Variants in ZFHX3 observed in about 807,000 individuals in gnomAD.
The protein encoded by ZFHX3 is zinc finger homeobox protein 3.
ZFHX3 carries 42 observed loss-of-function variants against 279.1 expected under a neutral mutation model. That is an observed-to-expected ratio of 0.15 (90% CI 0.12 to 0.19). ZFHX3 has a LOEUF of 0.19. ZFHX3 is among the 10% of genes least tolerant of loss of function. The pLI is 1.00. For synonymous variants in ZFHX3, 2,293 were observed against 1,957.8 expected (o/e 1.17, Z -4.52); for missense variants, 4,981 against 4,754.0 (o/e 1.05, Z -1.40).
In ZFHX3 at chr16:73,753,413, C is replaced by T. The variant is rs115987827; in HGVS notation, c.-1607-73173G>A. On this transcript the variant is annotated intron_variant, in intron 1 of 17. Transcript: ENST00000641206. ...GGCAGCAATCCAGAAGTGACCACCC[C>T]TTTGCCACGGCGATTACCCAGAATT... 1.8e-3 allele frequency among the ~76,000 whole-genome samples: 267 copies of T among 152,274 alleles called. 3 individuals carry two copies. The highest frequency in any genetic ancestry group is 6.1e-3 in the African/African-American group (255 of 41,548).
chr16:72,837,685 T>G (rs1249790317), intron 4 of ZFHX3, among the ~76,000 whole-genome samples: 3 of 151,332 alleles, frequency 2.0e-5, no homozygotes, highest in African/African-American at 4.9e-5. Context: ...AGGCTGGTCT[T>G]GAACTCCTGG....
At chr16:72,802,058 A>G (rs571779102) in intron 7 of ZFHX3, among the ~76,000 whole-genome samples, 4 of 152,128 alleles carry the variant, frequency 2.6e-5, no homozygotes, top group Admixed American at 6.5e-5. Flanking sequence ...GAATAAAATT[A>G]TCTAACACCT....
chr16:72,820,751 C>T (rs778913724), intron 5 of ZFHX3, among the ~76,000 whole-genome samples: 10 of 152,308 alleles, frequency 6.6e-5, no homozygotes, highest in Admixed American at 2.0e-4. Context: ...ACTTATTACG[C>T]TTCCCTGTGG....
chr16:73,654,195 A>C (rs1456705333), intron 2 of ZFHX3, among the ~76,000 whole-genome samples: 1 of 151,886 alleles, frequency 6.6e-6, no homozygotes, highest in African/African-American at 2.4e-5. Context: ...AAAAAAAAAA[A>C]AAAAAGATAA....
At position 72,784,609 on chromosome 16, in the gene ZFHX3, C is replaced by CAACT. The variant is rs918692448; in HGVS notation, c.*2551_*2554dup. The CAACT allele has an allele frequency of 2.6e-5, 4 of 151,758 alleles. No homozygotes were observed. The highest frequency in any genetic ancestry group is 4.4e-5 in the Non-Finnish European group (3 of 67,868). The allele number at this position is 151,758 out of a possible 1,614,324, so 9.4% of individuals were successfully genotyped here. A position where few individuals can be genotyped will look rare whatever the true frequency, so the allele number is the denominator to read the frequency against. On this transcript the variant is annotated 3_prime_UTR_variant, in exon 10 of 10. Coordinates refer to ENST00000268489, the MANE Select transcript of ZFHX3 (RefSeq NM_006885.4). ...AAATAATGGAAAACAAAAAACTGTACAACTTTAAAATTTAAAAATGTTCAT... is the reference window on the plus strand; with the variant it reads ...AAATAATGGAAAACAAAAAACTGTACAACTAACTTTAAAATTTAAAAATGTTCAT...
At chr16:72,812,208 G>T (rs961431985) in intron 5 of ZFHX3, among the ~76,000 whole-genome samples, 170 bp from the exon 6 acceptor site, 4 of 152,168 alleles carry the variant, frequency 2.6e-5, no homozygotes, top group African/African-American at 7.2e-5. Flanking sequence ...TGGAAAAGAA[G>T]CAAGTGTTTC....
At chr16:72,821,319 G>C (rs1460850853) in intron 5 of ZFHX3, among the ~76,000 whole-genome samples, 2 of 152,340 alleles carry the variant, frequency 1.3e-5, no homozygotes, top group African/African-American at 4.8e-5. Flanking sequence ...TTCCCCTCCA[G>C]ATTTAAGCAC....
chr16:73,363,594 GATAA>G (rs905627103), intron 3 of ZFHX3, among the ~76,000 whole-genome samples: 2 of 151,518 alleles, frequency 1.3e-5, no homozygotes, highest in African/African-American at 2.4e-5. Flanking sequence ...ATAAATACAA[GATAA>G]ATAAATAAAA....
At chr16:73,799,189 C>T (rs146540909) in intron 1 of ZFHX3, among the ~76,000 whole-genome samples, 211 of 152,250 alleles carry the variant, frequency 1.4e-3, no homozygotes, top group Non-Finnish European at 2.4e-3. Context: ...TCCACCTCCC[C>T]GACCCTCAAT....
At chr16:72,940,638 A>G (rs756440799) in intron 3 of ZFHX3, among the ~76,000 whole-genome samples, 1 of 152,222 alleles carries the variant, frequency 6.6e-6, no homozygotes, top group Non-Finnish European at 1.5e-5. Flanking sequence ...GAGAGACTCA[A>G]AAGGAACAGC....
chr16:73,471,911 C>T (rs528137261), intron 2 of ZFHX3, among the ~76,000 whole-genome samples: 1 of 152,258 alleles, frequency 6.6e-6, no homozygotes, highest in Non-Finnish European at 1.5e-5. Flanking sequence ...CAAACAGGAG[C>T]AAGCCCGCTG....
rs534965607 is a variant in ZFHX3, at chr16:73,531,408, G to GT, written c.-1546-75151dup. Among the ~76,000 whole-genome samples the GT allele has an allele frequency of 3.5e-3, 525 of 152,096 alleles. 2 individuals are homozygous for GT. The highest frequency in any genetic ancestry group is 8.6e-3 in the African/African-American group (355 of 41,478). ...ACAATTTTTATGCAGGAATTGTCTT[G>GT]TTTTTTTAATTAAGAATATTTCCTG... On this transcript the variant is annotated intron_variant, in intron 2 of 17. Transcript: ENST00000641206.
chr16:73,040,055 T>C (rs1317397910), intron 1 of ZFHX3, among the ~76,000 whole-genome samples: 1 of 152,168 alleles, frequency 6.6e-6, no homozygotes, highest in African/African-American at 2.4e-5. Context: ...TTCAAGCTAG[T>C]AGGTAAACAT....
At chr16:73,014,518 C>CTTCTTTTTTTTTTTTTTTT (rs1964028587) in intron 1 of ZFHX3, 1 of 63,366 alleles carries the variant, frequency 1.6e-5, no homozygotes, top group African/African-American at 6.3e-5. Context: ...ATTTCTTCTT[C>CTTCTTTTTTTTTTTTTTTT]TTTTTTTTTT....
At chr16:73,883,578 C>T (rs553851723) in intron 1 of ZFHX3, among the ~76,000 whole-genome samples, 2 of 152,134 alleles carry the variant, frequency 1.3e-5, no homozygotes, top group South Asian at 2.1e-4. Context: ...CAGTATCAGC[C>T]TTTCTTCCGT....
intron 2 of ZFHX3, among the ~76,000 whole-genome samples, chr16:73,615,259 C>T (rs368625935): frequency 2.0e-5 from 3 of 152,004 alleles, no homozygotes; most frequent in Admixed American, 6.5e-5. Flanking sequence ...CCCGAGACAA[C>T]TGCTGAGGGC....
chr16:73,810,432 C>G (rs1014157599), intron 1 of ZFHX3, among the ~76,000 whole-genome samples: 1 of 152,084 alleles, frequency 6.6e-6, no homozygotes, highest in Non-Finnish European at 1.5e-5. Flanking sequence ...CCTAGATAAC[C>G]TCTAAGGGTT....
At chr16:72,918,699 T>C (rs2039505453) in intron 3 of ZFHX3, among the ~76,000 whole-genome samples, 1 of 151,216 alleles carries the variant, frequency 6.6e-6, no homozygotes, top group Admixed American at 6.6e-5. Context: ...GTAGTTCTTT[T>C]TTTTTTTTTT....
rs3081625 is a variant in ZFHX3, at chr16:73,004,159, C to CTTTTTTT, written c.-50+43586_-50+43592dup. 1.2e-3 allele frequency among the ~76,000 whole-genome samples: 58 copies of CTTTTTTT among 49,370 alleles called. 11 individuals carry two copies. The highest frequency in any genetic ancestry group is 3.6e-3 in the African/African-American group (34 of 9,434). The allele number at this position is 49,370 out of a possible 152,430, so 32.4% of individuals were successfully genotyped here. ...CAATAATAACTACATAAAAACACGA[C>CTTTTTTT]TTTTTTTTTTTTTTTTTTTTTTTTT... On this transcript the variant is annotated intron_variant, in intron 1 of 9. Transcript: ENST00000268489.
Sources: allele counts gnomAD v4.1 joint callset (sites outside exome capture counted in the v4.1 genomes callset), GRCh38; gene constraint gnomAD v4.1.1; transcripts MANE v1.5; gene names NCBI Gene and HGNC (gene_info 2026-07-23, HGNC 2026-07-21).